XKR3: variants seen among roughly 807,000 people sequenced by gnomAD.
XKR3 encodes XK-related protein 3.
A neutral mutation model predicts 40.3 loss-of-function variants in XKR3; 27 were observed. The ratio of observed to expected loss-of-function variants is 0.67; its 90% confidence interval spans 0.49 to 0.92. The LOEUF (loss-of-function observed/expected upper bound fraction) is 0.92, where lower values mean the gene tolerates loss of function less well. XKR3 is among the 40% of genes least tolerant of loss of function. The pLI is 0.00. For missense variants in XKR3, 472 were observed against 537.6 expected (o/e 0.88, Z 1.21); for synonymous variants, 193 against 195.4 (o/e 0.99, Z 0.10).
chr22:16,808,001 G>A lies in XKR3; in HGVS notation c.73C>T (p.Leu25Phe). ...AAGCTTAGATGGAGTCTCTGGCCAA[G>A]GACTATTTCTTCTTTCGAAGATGAA... ...GVSSSKEEIVLGQRLHLSFPF... is the reference protein window; with the variant it reads ...GVSSSKEEIVFGQRLHLSFPF... Residue 25 changes from leucine (L) to phenylalanine (F), a missense_variant, in exon 2 of 4, where the codon CTT (leucine) becomes TTT (phenylalanine). Coordinates refer to ENST00000684488, the MANE Select transcript of XKR3 (RefSeq NM_001386955.1). 6.2e-7 allele frequency: 1 copy of A among 1,613,724 alleles called. No individual in the cohort carries two copies. Among genetic ancestry groups the A allele is most frequent in the East Asian group, 2.2e-5 (1 of 44,850 alleles).
chr22:16,799,665 G>T, intron 3 of XKR3, 106 bp downstream of exon 3: 1 of 1,306,202 alleles, frequency 7.7e-7, no homozygotes, highest in Non-Finnish European at 1.0e-6. Context: ...AAAAAATTTA[G>T]TGCAACTGTA....
At chr22:16,800,226 CA>C (rs1347121526) in intron 2 of XKR3, among the ~76,000 whole-genome samples, 2 of 152,112 alleles carry the variant, frequency 1.3e-5, no homozygotes, top group African/African-American at 4.8e-5. Context: ...CCCTCATTTT[CA>C]ACTTCAAATA....
chr22:16,818,181 T>C (rs1569044396), intron 1 of XKR3, among the ~76,000 whole-genome samples: 1 of 152,160 alleles, frequency 6.6e-6, no homozygotes, highest in Non-Finnish European at 1.5e-5. Context: ...CCCCATGTTT[T>C]GCTTTATGAG....
chr22:16,787,904 C>T (rs2060097494), intron 3 of XKR3, among the ~76,000 whole-genome samples: 1 of 152,026 alleles, frequency 6.6e-6, no homozygotes, highest in African/African-American at 2.4e-5. Context: ...AAAACTTCAG[C>T]ACCTTACTTT....
intron 2 of XKR3, among the ~76,000 whole-genome samples, chr22:16,806,260 C>CAAAAAAAAA (rs59631397): frequency 3.5e-4 from 46 of 131,944 alleles, no homozygotes; most frequent in Admixed American, 5.4e-4. Context: ...TAGTTCATCT[C>CAAAAAAAAA]AAAAAAAAAA....
rs750295947 is a variant in XKR3 at position 16,799,903 on chromosome 22, T to C, written c.457A>G (p.Ile153Val). The change falls in exon 3 of 4, where the codon ATC (isoleucine) becomes GTC (valine). Residue 153 changes from isoleucine (I) to valine (V), a missense_variant. Transcript: ENST00000684488. ...TMLEREIAFS[I>V]RDNFMQQKAF... ...TTCTGCTGCATGAAATTATCCCGGA[T>C]TGAGAATGCAATCTCCCTTTCCAGC... 7 of 1,614,028 alleles carry C rather than the reference T, an allele frequency of 4.3e-6. No homozygotes were observed. The highest frequency in any genetic ancestry group is 5.9e-6 in the Non-Finnish European group (7 of 1,180,018).
intron 1 of XKR3, among the ~76,000 whole-genome samples, chr22:16,813,091 T>C (rs931412395): frequency 3.9e-5 from 6 of 152,114 alleles, no homozygotes; most frequent in African/African-American, 1.4e-4. Context: ...GAGATCATCC[T>C]GGTTAACACG....
rs1300648130 is a variant in XKR3 at position 16,808,058 on chromosome 22, C to T, written c.16G>A (p.Glu6Lys). The change falls in exon 2 of 4, where the codon GAA becomes AAA. Residue 6 changes from glutamate (E) to lysine (K), a missense_variant. Coordinates refer to ENST00000684488, the MANE Select transcript of XKR3 (RefSeq NM_001386955.1). ...CCTGTGCTTTCTTCATCCATCTCTT[C>T]AAACACTGTCTCCATTCTCAGGGTG... Reference protein sequence around the residue: METVFEEMDEESTGGV... With the variant: METVFKEMDEESTGGV... 8 of 1,604,130 alleles carry T rather than the reference C, an allele frequency of 5.0e-6. No individual in the cohort carries two copies. The highest frequency in any genetic ancestry group is 6.0e-6 in the Non-Finnish European group (7 of 1,175,614).
At chr22:16,801,301 G>C (rs1264493587) in intron 2 of XKR3, among the ~76,000 whole-genome samples, 1 of 152,140 alleles carries the variant, frequency 6.6e-6, no homozygotes, top group Non-Finnish European at 1.5e-5. Context: ...CCAGCACTTT[G>C]GGAGGTCAAG....
intron 1 of XKR3, among the ~76,000 whole-genome samples, chr22:16,824,707 T>C (rs2060267575): frequency 6.6e-6 from 1 of 152,166 alleles, no homozygotes; most frequent in African/African-American, 2.4e-5. Context: ...TCGAATATGA[T>C]ATTAATGCAG....
At chr22:16,819,231 G>A (rs2060246219) in intron 1 of XKR3, among the ~76,000 whole-genome samples, 1 of 152,044 alleles carries the variant, frequency 6.6e-6, no homozygotes, top group African/African-American at 2.4e-5. Flanking sequence ...CTATATATTT[G>A]ATGCAATTCC....
chr22:16,804,373 A>G (rs1444921600), intron 2 of XKR3, among the ~76,000 whole-genome samples: 2 of 152,174 alleles, frequency 1.3e-5, no homozygotes, highest in Admixed American at 1.3e-4. Context: ...AAACAAAATA[A>G]AGAAGAAAGT....
At chr22:16,787,766 G>GGTGGT (rs2060096862) in intron 3 of XKR3, among the ~76,000 whole-genome samples, 1 of 151,846 alleles carries the variant, frequency 6.6e-6, no homozygotes, top group Non-Finnish European at 1.5e-5. Flanking sequence ...GACAAAGACA[G>GGTGGT]CATACAGAAT....
intron 2 of XKR3, among the ~76,000 whole-genome samples, chr22:16,800,399 T>C (rs1166150334): frequency 1.3e-5 from 2 of 152,226 alleles, no homozygotes; most frequent in Non-Finnish European, 2.9e-5. Flanking sequence ...ACAAAAGCTA[T>C]TTCTCCAGAA....
intron 1 of XKR3, among the ~76,000 whole-genome samples, chr22:16,819,131 T>C (rs928747020): frequency 4.0e-5 from 6 of 151,852 alleles, no homozygotes; most frequent in Non-Finnish European, 5.9e-5. Context: ...AAAACACTGG[T>C]GAAAGAAATC....
chr22:16,824,760 G>C (rs2060267740), intron 1 of XKR3, among the ~76,000 whole-genome samples: 1 of 152,058 alleles, frequency 6.6e-6, no homozygotes, highest in Admixed American at 6.5e-5. Context: ...TTCTCCTTTG[G>C]ACTCACAGAA....
At chr22:16,801,205 G>A (rs2060167488) in intron 2 of XKR3, among the ~76,000 whole-genome samples, 1 of 150,746 alleles carries the variant, frequency 6.6e-6, no homozygotes, top group Admixed American at 6.7e-5. Context: ...TCAGATTAAG[G>A]AAGTCTTATA....
chr22:16,808,248 T>C (rs2060198741), intron 1 of XKR3, among the ~76,000 whole-genome samples, 165 bp from the exon 2 acceptor site: 1 of 152,224 alleles, frequency 6.6e-6, no homozygotes, highest in Admixed American at 6.5e-5. Context: ...TTAGGGAATA[T>C]TGAACTATGA....
chr22:16,814,872 CA>C (rs2060226888), intron 1 of XKR3, among the ~76,000 whole-genome samples: 1 of 151,730 alleles, frequency 6.6e-6, no homozygotes, highest in African/African-American at 2.4e-5. Flanking sequence ...TTTTTGTATA[CA>C]AGATCATGTC....
Sources: allele counts gnomAD v4.1 joint callset (sites outside exome capture counted in the v4.1 genomes callset), GRCh38; gene constraint gnomAD v4.1.1; transcripts MANE v1.5; gene names NCBI Gene and HGNC (gene_info 2026-07-23, HGNC 2026-07-21).